The following LRRC20 variants were observed in gnomAD, a reference collection of about 807,000 sequenced individuals.
The protein encoded by LRRC20 is leucine rich repeat containing 20, also known as leucine-rich repeat-containing protein 20.
In LRRC20, 11 loss-of-function variants were observed where a neutral mutation model predicts 14.4. That is an observed-to-expected ratio of 0.77 (90% confidence interval 0.48 to 1.27). The LOEUF (loss-of-function observed/expected upper bound fraction) is 1.27. Ranked by LOEUF, LRRC20 falls within the 50% of genes most tolerant of loss-of-function variation. The pLI, the probability that LRRC20 is intolerant of heterozygous loss-of-function variation, is 0.00. For missense variants in LRRC20, 219 were observed against 251.2 expected (o/e 0.87, Z 0.87); for synonymous variants, 121 against 107.3 (o/e 1.13, Z -0.79).
At chr10:70,342,109 G>T (rs188698255) in intron 2 of LRRC20, among the ~76,000 whole-genome samples, 291 of 152,076 alleles carry the variant, frequency 1.9e-3, no homozygotes, top group African/African-American at 6.7e-3. Flanking sequence ...GACCAGCCTG[G>T]CCAATATAGA....
chr10:70,357,940 G>A (rs531912993), intron 2 of LRRC20, among the ~76,000 whole-genome samples: 5 of 152,346 alleles, frequency 3.3e-5, no homozygotes, highest in African/African-American at 1.2e-4. Flanking sequence ...ACCTTGGAGA[G>A]GCTTGGGCAG....
rs145587222 is a variant in LRRC20, at chr10:70,342,946, C to T, written c.83-2244G>A. ...CTCTCCCAGGCTTCTAAGCCTTTGA[C>T]GATTGCTCCAAAATAAACATGTGAA... is the stretch of plus-strand genomic sequence containing the variant. On this transcript the variant is annotated intron_variant, in intron 2 of 4. Coordinates refer to ENST00000446961, the MANE Select transcript of LRRC20 (RefSeq NM_001278212.2). 2.3e-4 allele frequency among the ~76,000 whole-genome samples: 35 copies of T among 152,300 alleles called. No individual in the cohort carries two copies. The East Asian group carries it at 2.3e-3, about 10-fold the overall frequency.
chr10:70,352,427 T>C (rs1448356300), intron 2 of LRRC20, among the ~76,000 whole-genome samples: 1 of 152,188 alleles, frequency 6.6e-6, no homozygotes, highest in Non-Finnish European at 1.5e-5. Context: ...AAATGTAGCA[T>C]TTTATCAGTG....
At chr10:70,310,827 G>A (rs1359612143) in intron 4 of LRRC20, among the ~76,000 whole-genome samples, 2 of 152,176 alleles carry the variant, frequency 1.3e-5, no homozygotes, top group Non-Finnish European at 1.5e-5. Flanking sequence ...GTCAGGGCCA[G>A]GCCTCTGTGG....
At chr10:70,359,390 G>A (rs1030708857) in intron 2 of LRRC20, among the ~76,000 whole-genome samples, 1 of 152,168 alleles carries the variant, frequency 6.6e-6, no homozygotes, top group African/African-American at 2.4e-5. Context: ...GACTCCGTCT[G>A]TATAAAAAAT....
chr10:70,382,591 C>T lies in LRRC20; in HGVS notation c.-106G>A, dbSNP rs1383099401. ...GCGCCCTGCGCAGCGCAGTCACGCT[C>T]CCTCCGCCGCCGGCGGCGCCCCAGG... On this transcript the variant is annotated 5_prime_UTR_variant, in exon 1 of 5. Transcript: ENST00000446961. 2.0e-5 allele frequency: 3 copies of T among 151,518 alleles called. No homozygotes were observed. The highest frequency in any genetic ancestry group is 6.6e-5 in the Admixed American group (1 of 15,212). 9.4% of individuals were successfully genotyped at this position (151,518 alleles called of 1,614,324 possible).
chr10:70,304,470 T>TTATATAGATATATATA (rs1554835659), intron 4 of LRRC20, among the ~76,000 whole-genome samples: 8 of 113,826 alleles, frequency 7.0e-5, no homozygotes, highest in African/African-American at 2.4e-4. Context: ...GGCCACTTCT[T>TTATATAGATATATATA]TATATATATA....
intron 4 of LRRC20, among the ~76,000 whole-genome samples, chr10:70,315,259 C>T (rs1265885728): frequency 5.3e-5 from 8 of 152,170 alleles, no homozygotes; most frequent in Admixed American, 4.6e-4. Flanking sequence ...TGGTGCAGCT[C>T]AGCTCCAGCA....
rs1012496587 is a variant in LRRC20 at position 70,340,661 on chromosome 10, A to G, written c.124T>C (p.Tyr42His). The G allele has an allele frequency of 3.1e-6, 5 of 1,614,192 alleles. No homozygotes were observed. Among genetic ancestry groups the G allele is most frequent in the African/African-American group, 1.3e-5 (1 of 75,042 alleles). Residue 42 changes from tyrosine to histidine, a missense_variant, in exon 3 of 5, where the codon TAC (tyrosine) becomes CAC (histidine). Coordinates refer to ENST00000446961, the MANE Select transcript of LRRC20 (RefSeq NM_001278212.2). The stretch of plus-strand genomic sequence containing the variant: ...CCAGAGACATTCCGCAGGACCTTGT[A>G]GATGCCAATGGGAAAGGAGACCAGC... Reference protein sequence around the residue: ...CKLVSFPIGIYKVLRNVSGQI... With the variant: ...CKLVSFPIGIHKVLRNVSGQI...
chr10:70,367,492 C>T (rs1439709024), intron 2 of LRRC20, among the ~76,000 whole-genome samples: 1 of 152,108 alleles, frequency 6.6e-6, no homozygotes, highest in Non-Finnish European at 1.5e-5. Context: ...TCATGGAACA[C>T]CCACACCATG....
At chr10:70,369,846 G>A (rs1414619109) in intron 2 of LRRC20, among the ~76,000 whole-genome samples, 1 of 141,618 alleles carries the variant, frequency 7.1e-6, no homozygotes, top group Non-Finnish European at 1.5e-5. Context: ...TTGGGAGACC[G>A]AAACAGGTGG....
chr10:70,311,625 A>G (rs535041473), intron 4 of LRRC20, among the ~76,000 whole-genome samples: 4 of 152,266 alleles, frequency 2.6e-5, no homozygotes. Context: ...GTAGGATGTG[A>G]GGTTCTAGAA....
At chr10:70,337,835 C>A (rs539493874) in intron 3 of LRRC20, among the ~76,000 whole-genome samples, 1 of 152,280 alleles carries the variant, frequency 6.6e-6, no homozygotes, top group South Asian at 2.1e-4. Flanking sequence ...GTTTCTGGGC[C>A]TCCGGACCTA....
intron 4 of LRRC20, among the ~76,000 whole-genome samples, chr10:70,320,087 G>C (rs1029290835): frequency 3.3e-5 from 5 of 152,184 alleles, no homozygotes; most frequent in African/African-American, 1.2e-4. Context: ...CTTCCAGACT[G>C]AGAGCACGGG....
chr10:70,378,187 C>G lies in LRRC20; in HGVS notation c.-63-1591G>C, dbSNP rs80213231. 2.1e-3 allele frequency among the ~76,000 whole-genome samples: 325 copies of G among 152,268 alleles called. 5 individuals carry two copies. In the East Asian group the frequency reaches 0.038, roughly 18 times the overall value. Reference sequence around the variant, plus strand: ...AGTTTAATACTCATGTGAGTCTGAACAAAACACTGAGGGAACTCATCTTTG... The same window carrying G: ...AGTTTAATACTCATGTGAGTCTGAAGAAAACACTGAGGGAACTCATCTTTG... On this transcript the variant is annotated intron_variant, in intron 1 of 4. Transcript: ENST00000446961.
At chr10:70,362,062 G>A (rs536153499) in intron 2 of LRRC20, among the ~76,000 whole-genome samples, 13 of 152,294 alleles carry the variant, frequency 8.5e-5, no homozygotes, top group Admixed American at 3.9e-4. Context: ...ATACACGCCT[G>A]TAATCCCAGC....
At chr10:70,309,264 G>A (rs1841547436) in intron 4 of LRRC20, among the ~76,000 whole-genome samples, 1 of 152,158 alleles carries the variant, frequency 6.6e-6, no homozygotes, top group Admixed American at 6.5e-5. Context: ...TGTCTAAATG[G>A]GCCCAGCAAA....
chr10:70,303,027 A>C (rs1039123624), intron 4 of LRRC20, among the ~76,000 whole-genome samples: 4 of 151,256 alleles, frequency 2.6e-5, no homozygotes, highest in African/African-American at 9.7e-5. Context: ...TCTTAAAAGA[A>C]AAAAAAAAGG....
intron 2 of LRRC20, among the ~76,000 whole-genome samples, chr10:70,343,268 C>A (rs1007427037): frequency 1.3e-5 from 2 of 152,034 alleles, no homozygotes; most frequent in African/African-American, 4.8e-5. Flanking sequence ...GGGAAGACAC[C>A]CAGAGCATAG....
Sources: gnomAD v4.1 joint callset for allele counts (sites outside exome capture counted in the v4.1 genomes callset) on GRCh38, gnomAD v4.1.1 for gene constraint, MANE v1.5 for transcripts, NCBI Gene and HGNC (gene_info 2026-07-23, HGNC 2026-07-21) for gene names.